Variants in SBK1 observed in about 807,000 individuals in gnomAD.
SBK1 encodes SH3 domain binding kinase 1.
In SBK1, 11 loss-of-function variants were observed where a neutral mutation model predicts 24.4. The observed-to-expected ratio is 0.45, with a 90% confidence interval of 0.28 to 0.75. The LOEUF is 0.75. Ranked by LOEUF, SBK1 falls within the 30% of genes least tolerant of loss-of-function variation. The probability of loss-of-function intolerance (pLI) is 0.12; values close to 1 mark genes in which losing one functional copy is unlikely to be tolerated. For missense variants in SBK1, 467 were observed against 620.5 expected, an observed-to-expected ratio of 0.75 and a Z score of 2.63; for synonymous variants, 308 against 284.4, an observed-to-expected ratio of 1.08 and a Z score of -0.83.
At chr16:28,264,558 C>G (rs1250608558) in intron 1 of SBK1, among the ~76,000 whole-genome samples, 1 of 147,824 alleles carries the variant, frequency 6.8e-6, no homozygotes, top group Non-Finnish European at 1.5e-5. Flanking sequence ...GGCAATAGAG[C>G]GAGACTCCGT....
intron 1 of SBK1, among the ~76,000 whole-genome samples, chr16:28,272,723 G>A (rs978852380): frequency 2.7e-5 from 4 of 146,168 alleles, no homozygotes; most frequent in Non-Finnish European, 6.0e-5. Flanking sequence ...CCAGGTTCAA[G>A]CGATTCTTCT....
chr16:28,267,292 T>C (rs1442820056), intron 1 of SBK1, among the ~76,000 whole-genome samples: 1 of 152,166 alleles, frequency 6.6e-6, no homozygotes, highest in African/African-American at 2.4e-5. Context: ...ACTTCCGAGC[T>C]CAAGTGATCC....
Position 28,304,041 on chromosome 16 carries a change from C to T in SBK1, c.-8+10741C>T, listed in dbSNP as rs2044698435. 2.0e-5 allele frequency among the ~76,000 whole-genome samples: 3 copies of T among 152,264 alleles called. No homozygotes were observed. In the South Asian group the frequency reaches 6.2e-4, roughly 32 times the overall value. On this transcript the variant is annotated intron_variant, in intron 1 of 3. Transcript: ENST00000341901. The stretch of plus-strand genomic sequence containing the variant: ...CAGAAATTCCAAACTCACTCACCCT[C>T]TAACCTAGCAAGCCTATTTCTAGAC...
intron 1 of SBK1, among the ~76,000 whole-genome samples, chr16:28,273,708 C>T (rs1293975574): frequency 6.6e-6 from 1 of 152,188 alleles, no homozygotes; most frequent in Non-Finnish European, 1.5e-5. Context: ...TGCTGGGATT[C>T]CAGGCGAGAG....
At position 28,322,891 on chromosome 16, in the gene SBK1, T is replaced by G. The variant is rs2044862274; in HGVS notation, c.*1970T>G. The G allele has an allele frequency of 6.9e-6, 1 of 145,642 alleles. No homozygotes were observed. Among genetic ancestry groups the G allele is most frequent in the Admixed American group, 7.0e-5 (1 of 14,208 alleles). The allele number at this position is 145,642 out of a possible 1,614,324, so 9.0% of individuals were successfully genotyped here. A position where few individuals can be genotyped will look rare whatever the true frequency, so the allele number is the denominator to read the frequency against. On this transcript the variant is annotated 3_prime_UTR_variant, in exon 4 of 4. Coordinates refer to ENST00000341901, the MANE Select transcript of SBK1 (RefSeq NM_001024401.3). The stretch of plus-strand genomic sequence containing the variant: ...TCGAGATTCCACAGTAGACGTCCCT[T>G]GCCGTGCTCGCTCTCTCTCTCGCGC...
chr16:28,298,537 G>C (rs1484319606), intron 1 of SBK1, among the ~76,000 whole-genome samples: 1 of 152,232 alleles, frequency 6.6e-6, no homozygotes, highest in Non-Finnish European at 1.5e-5. Flanking sequence ...AGTTTCCTCT[G>C]ACGTAGAATG....
intron 1 of SBK1, among the ~76,000 whole-genome samples, chr16:28,275,491 C>T (rs759529457): frequency 6.6e-6 from 1 of 152,072 alleles, no homozygotes; most frequent in Non-Finnish European, 1.5e-5. Flanking sequence ...AAGCCAGTTC[C>T]ATCAAGAAGC....
intron 1 of SBK1, among the ~76,000 whole-genome samples, chr16:28,264,571 CA>C (rs34293134): frequency 0.017 from 1,812 of 107,738 alleles, 24 homozygotes; most frequent in African/African-American, 0.046. Context: ...GACTCCGTCT[CA>C]AAAAAAAAAA....
intron 1 of SBK1, among the ~76,000 whole-genome samples, chr16:28,275,716 CA>C (rs1190359070): frequency 6.6e-6 from 1 of 151,828 alleles, no homozygotes; most frequent in Non-Finnish European, 1.5e-5. Context: ...CCTGAGTCTA[CA>C]AAAAATAAGA....
chr16:28,313,387 AG>A (rs2044767808), intron 1 of SBK1, among the ~76,000 whole-genome samples: 1 of 151,992 alleles, frequency 6.6e-6, no homozygotes. Context: ...GCTTGAGGTC[AG>A]GAATTCAAGA....
At chr16:28,265,564 GAGGAAGACCCTATCTCTAAAAA>G (rs1178333739) in intron 1 of SBK1, among the ~76,000 whole-genome samples, 4 of 152,004 alleles carry the variant, frequency 2.6e-5, no homozygotes, top group Admixed American at 6.6e-5. Flanking sequence ...CTGGGCAACA[GAGGAAGACCCTATCTCTAAAAA>G]ATATAAAAAT....
At chr16:28,266,096 G>A (rs762634667) in intron 1 of SBK1, among the ~76,000 whole-genome samples, 1 of 152,174 alleles carries the variant, frequency 6.6e-6, no homozygotes, top group Non-Finnish European at 1.5e-5. Flanking sequence ...CAGTGAGGCT[G>A]AGTGCAGTGG....
intron 1 of SBK1, among the ~76,000 whole-genome samples, chr16:28,296,318 C>T (rs1315951917): frequency 3.3e-5 from 5 of 152,076 alleles, no homozygotes; most frequent in African/African-American, 1.2e-4. Context: ...TGGTCTTGAA[C>T]TCCTGACCTC....
At chr16:28,265,264 G>T (rs902609740) in intron 1 of SBK1, among the ~76,000 whole-genome samples, 1 of 151,628 alleles carries the variant, frequency 6.6e-6, no homozygotes, top group Non-Finnish European at 1.5e-5. Context: ...AAAAAAGAAA[G>T]AAATAAAAGC....
chr16:28,268,977 T>C (rs913213017), intron 1 of SBK1, among the ~76,000 whole-genome samples: 9 of 151,896 alleles, frequency 5.9e-5, no homozygotes, highest in Non-Finnish European at 1.3e-4. Flanking sequence ...AAAGACAGTG[T>C]AGTTGAAGGC....
intron 1 of SBK1, among the ~76,000 whole-genome samples, chr16:28,312,871 C>T (rs1480505286): frequency 6.6e-6 from 1 of 151,934 alleles, no homozygotes; most frequent in Admixed American, 6.5e-5. Context: ...CGGTGGCTCA[C>T]GCCTATAACC....
chr16:28,292,599 C>A lies in SBK1; in HGVS notation c.-709C>A. On this transcript the variant is annotated 5_prime_UTR_variant, in exon 1 of 4. Transcript: ENST00000341901. The stretch of plus-strand genomic sequence containing the variant: ...GCGCCAGGCGGAGCGCGAGCTGGAG[C>A]CGCAGCCGGAGCCCGGGCCAGGCCG... 2 of 980,252 alleles carry A rather than the reference C, an allele frequency of 2.0e-6. No homozygotes were observed. Among genetic ancestry groups the A allele is most frequent in the African/African-American group, 3.5e-5 (2 of 56,740 alleles). The allele number at this position is 980,252 out of a possible 1,614,324, so 60.7% of individuals were successfully genotyped here.
chr16:28,283,226 C>A, intron 1 of SBK1, among the ~76,000 whole-genome samples: 1 of 152,084 alleles, frequency 6.6e-6, no homozygotes, highest in Non-Finnish European at 1.5e-5. Flanking sequence ...CCACCGCGCC[C>A]GACCATACTC....
chr16:28,302,960 A>AG (rs2044688977), intron 1 of SBK1, among the ~76,000 whole-genome samples: 3 of 101,924 alleles, frequency 2.9e-5, no homozygotes, highest in Admixed American at 9.1e-5. Context: ...AGAGCAGGGC[A>AG]TGGGGGGGGG....
Sources: allele counts gnomAD v4.1 joint callset (sites outside exome capture counted in the v4.1 genomes callset), GRCh38; gene constraint gnomAD v4.1.1; transcripts MANE v1.5; gene names NCBI Gene and HGNC (gene_info 2026-07-23, HGNC 2026-07-21).